The following OPALIN variants were observed in gnomAD, a reference collection of about 807,000 sequenced individuals.
The protein encoded by OPALIN is transmembrane protein 10.
In OPALIN, 15 loss-of-function variants were observed where a neutral mutation model predicts 17.8. That is an observed-to-expected ratio of 0.84 (90% CI 0.56 to 1.29). The LOEUF (loss-of-function observed/expected upper bound fraction) is 1.29, where lower values mean the gene tolerates loss of function less well. Among genes scored for constraint, OPALIN ranks in the 50% most tolerant of loss-of-function variants. OPALIN has a pLI of 0.00. For missense variants in OPALIN, 170 were observed against 176.0 expected, an observed-to-expected ratio of 0.97 and a Z score of 0.19; for synonymous variants, 62 against 63.8, an observed-to-expected ratio of 0.97 and a Z score of 0.14.
intron 5 of OPALIN, among the ~76,000 whole-genome samples, chr10:96,347,464 T>C (rs1845382594): frequency 6.6e-6 from 1 of 151,990 alleles, no homozygotes; most frequent in East Asian, 1.9e-4. Flanking sequence ...TCCTTTTCAG[T>C]GTTACACTTT....
rs1285586532 is a variant in OPALIN, at chr10:96,345,946, C to A, written c.421G>T (p.Glu141Ter). 1.9e-6 allele frequency: 3 copies of A among 1,614,000 alleles called. No individual in the cohort carries two copies. Residue 141 changes from glutamate (E) to a stop codon, truncating the protein, a stop_gained, in exon 6 of 6, where the codon GAA (glutamate) becomes TAA (stop). Coordinates refer to ENST00000371172, the MANE Select transcript of OPALIN (RefSeq NM_033207.5). LOFTEE classifies it high-confidence loss of function. Reference protein sequence around the residue: ...LWWLVPRLSLE With the variant: ...LWWLVPRLSL ...TGCTCCTTGACTGAGCTGCATCATT[C>A]CAGGCTCAGTCTGGGCACAAGCCAC...
At chr10:96,346,517 C>T (rs187793394) in intron 5 of OPALIN, among the ~76,000 whole-genome samples, 140 of 152,228 alleles carry the variant, frequency 9.2e-4, no homozygotes, top group Middle Eastern at 3.4e-3. Context: ...CCTGTTAATT[C>T]GGGTATCTAG....
In OPALIN at chr10:96,345,859, G is replaced by C; in HGVS notation, c.*82C>G. The C allele has an allele frequency of 7.4e-7, 1 of 1,353,594 alleles. No individual in the cohort carries two copies. Among genetic ancestry groups the C allele is most frequent in the Non-Finnish European group, 1.0e-6 (1 of 975,358 alleles). 83.8% of individuals were successfully genotyped at this position (1,353,594 alleles called of 1,614,324 possible). On this transcript the variant is annotated 3_prime_UTR_variant, in exon 6 of 6. Coordinates refer to ENST00000371172, the MANE Select transcript of OPALIN (RefSeq NM_033207.5). ...TTTGGATTGATTAAGAAGCAGCTTG[G>C]CATCTTTCCTCTCCAAGTACAAAAC...
chr10:96,358,186 TAAAAAAAA>T lies in OPALIN; in HGVS notation c.3+700_3+707del, dbSNP rs61616596. Among the ~76,000 whole-genome samples the T allele has an allele frequency of 3.3e-3, 203 of 61,594 alleles. 2 individuals carry two copies. The highest frequency in any genetic ancestry group is 9.6e-3 in the African/African-American group (187 of 19,514). 40.4% of individuals were successfully genotyped at this position (61,594 alleles called of 152,430 possible). A position where few individuals can be genotyped will look rare whatever the true frequency, so the allele number is the denominator to read the frequency against. ...CTACTCCTTTTAACAATGCTTTTTG[TAAAAAAAA>T]AAAAAAAAAAAAAAAAAAAAAATTC... On this transcript the variant is annotated intron_variant, in intron 1 of 5. Transcript: ENST00000371172.
At position 96,347,170 on chromosome 10, in the gene OPALIN, C is replaced by A. The variant is rs940753373; in HGVS notation, c.250-1053G>T. On this transcript the variant is annotated intron_variant, in intron 5 of 5. Transcript: ENST00000371172. ...GTGATGGTGTGATCTCAGCTCACTG[C>A]AACCTCTGCCTCCCAGGTTCAAGTG... Among the ~76,000 whole-genome samples, 26 of 152,014 alleles carry A rather than the reference C, an allele frequency of 1.7e-4. 1 individual carries two copies. Among genetic ancestry groups the A allele is most frequent in the Middle Eastern group, 6.8e-3 (2 of 294 alleles).
chr10:96,356,074 C>G (rs981661055), intron 1 of OPALIN, among the ~76,000 whole-genome samples: 3 of 152,184 alleles, frequency 2.0e-5, no homozygotes, highest in African/African-American at 7.2e-5. Flanking sequence ...ATGGGTGGAC[C>G]TGTTCTGACT....
In OPALIN at chr10:96,346,153, C is replaced by T. The variant is rs1201618891; in HGVS notation, c.250-36G>A. ...CAAATAGGTTTTTTAAAAACTACAGCAGAGAATTCTTTCATACAAGATGGA... is the reference window on the plus strand; with the variant it reads ...CAAATAGGTTTTTTAAAAACTACAGTAGAGAATTCTTTCATACAAGATGGA... On this transcript the variant is annotated intron_variant, in intron 5 of 5. Coordinates refer to ENST00000371172, the MANE Select transcript of OPALIN (RefSeq NM_033207.5). 1.9e-6 allele frequency: 3 copies of T among 1,593,304 alleles called. No individual in the cohort carries two copies. The South Asian group carries it at 3.3e-5, about 18-fold the overall frequency.
rs371700213 is a variant in OPALIN at position 96,351,764 on chromosome 10, T to C, written c.40-354A>G. 3.0e-4 allele frequency among the ~76,000 whole-genome samples: 46 copies of C among 152,246 alleles called. 1 individual carries two copies. In the East Asian group the frequency reaches 5.8e-3, roughly 19 times the overall value. ...CCCATTGCTAGAAGGGAAACACATA[T>C]AAATACTGGTGGAAGCAAGGCTCTT... On this transcript the variant is annotated intron_variant, in intron 2 of 5. Transcript: ENST00000371172.
intron 4 of OPALIN, 66 bp from the exon 5 acceptor site, chr10:96,348,411 A>G: frequency 1.3e-6 from 1 of 762,338 alleles, no homozygotes. Flanking sequence ...ATAGCATTTG[A>G]CCGTAACTAT....
intron 4 of OPALIN, among the ~76,000 whole-genome samples, 190 bp from the exon 5 acceptor site, chr10:96,348,535 A>T (rs775927074): frequency 5.3e-5 from 8 of 152,220 alleles, no homozygotes; most frequent in Non-Finnish European, 1.0e-4. Context: ...CTAAGCCAAG[A>T]AATATCATTG....
chr10:96,353,492 A>G (rs1415453090), intron 2 of OPALIN: 2 of 1,475,716 alleles, frequency 1.4e-6, no homozygotes, highest in Non-Finnish European at 1.9e-6. Context: ...AGTGCTAAAA[A>G]CAGACAACAC....
intron 4 of OPALIN, among the ~76,000 whole-genome samples, chr10:96,349,310 C>A (rs1438042466): frequency 2.0e-5 from 3 of 152,110 alleles, no homozygotes; most frequent in African/African-American, 7.2e-5. Context: ...TCATGGACAC[C>A]TCAGCCCCTC....
chr10:96,357,987 T>C (rs974166226), intron 1 of OPALIN, among the ~76,000 whole-genome samples: 5 of 151,970 alleles, frequency 3.3e-5, no homozygotes, highest in African/African-American at 9.7e-5. Context: ...CTTACTGCTG[T>C]TGAAGGTGTG....
At chr10:96,356,914 G>A in intron 1 of OPALIN, 1 of 985,364 alleles carries the variant, frequency 1.0e-6, no homozygotes, top group Non-Finnish European at 1.2e-6. Context: ...CAGAACCTGA[G>A]TGTCCCGGTG....
chr10:96,351,882 G>T (rs1845600105), intron 2 of OPALIN, among the ~76,000 whole-genome samples: 1 of 152,182 alleles, frequency 6.6e-6, no homozygotes, highest in African/African-American at 2.4e-5. Context: ...TACATGAAAT[G>T]AATGCATTAC....
chr10:96,355,254 C>T lies in OPALIN; in HGVS notation c.39+1G>A, dbSNP rs1845771767. The stretch of plus-strand genomic sequence containing the variant: ...TGGTGAATGGGGGCTGCTGTACTTA[C>T]TGTGTTCGCCGGCAGGGTGAAGTTC... On this transcript the variant is annotated splice_donor_variant, in intron 2 of 5. Coordinates refer to ENST00000371172, the MANE Select transcript of OPALIN (RefSeq NM_033207.5). LOFTEE classifies it high-confidence loss of function. 2 of 1,611,896 alleles carry T rather than the reference C, an allele frequency of 1.2e-6. No individual in the cohort carries two copies. The highest frequency in any genetic ancestry group is 2.7e-5 in the African/African-American group (2 of 74,688).
chr10:96,353,830 C>T (rs1453101099), intron 2 of OPALIN, among the ~76,000 whole-genome samples: 1 of 152,118 alleles, frequency 6.6e-6, no homozygotes, highest in Non-Finnish European at 1.5e-5. Flanking sequence ...TGCCTGAAAC[C>T]AACAGGCAGA....
chr10:96,353,803 G>A (rs1470839190), intron 2 of OPALIN, among the ~76,000 whole-genome samples: 1 of 152,194 alleles, frequency 6.6e-6, no homozygotes, highest in Non-Finnish European at 1.5e-5. Context: ...AGGAAAAAGA[G>A]GAAGAATTAG....
intron 4 of OPALIN, among the ~76,000 whole-genome samples, chr10:96,348,552 A>G (rs1441175794): frequency 6.6e-6 from 1 of 152,248 alleles, no homozygotes; most frequent in Non-Finnish European, 1.5e-5. Flanking sequence ...ATTGTGAGTT[A>G]TCAAAAATAA....
Sources: gnomAD v4.1 joint callset for allele counts (sites outside exome capture counted in the v4.1 genomes callset) on GRCh38, gnomAD v4.1.1 for gene constraint, MANE v1.5 for transcripts, NCBI Gene and HGNC (gene_info 2026-07-23, HGNC 2026-07-21) for gene names.